SH3BGRL2: variants seen among roughly 807,000 people sequenced by gnomAD.
SH3BGRL2 encodes the protein SH3 domain-binding glutamic acid-rich-like protein 2.
A neutral mutation model predicts 14.8 loss-of-function variants in SH3BGRL2; 21 were observed. That is an observed-to-expected ratio of 1.42 (90% CI 1.01 to 2.05). SH3BGRL2 has a LOEUF of 2.05. Ranked by LOEUF, SH3BGRL2 falls within the 30% of genes most tolerant of loss-of-function variation. SH3BGRL2 has a pLI of 0.00. For missense variants in SH3BGRL2, 147 were observed against 130.8 expected (o/e 1.12, Z -0.61); for synonymous variants, 50 against 47.8 (o/e 1.05, Z -0.19).
At chr6:79,679,189 T>C (rs1247826445) in intron 2 of SH3BGRL2, among the ~76,000 whole-genome samples, 1 of 152,182 alleles carries the variant, frequency 6.6e-6, no homozygotes, top group Non-Finnish European at 1.5e-5. Context: ...CTTTGAGAAA[T>C]CTTCAAACTG....
At chr6:79,672,598 C>T (rs1392356635) in intron 1 of SH3BGRL2, among the ~76,000 whole-genome samples, 1 of 152,048 alleles carries the variant, frequency 6.6e-6, no homozygotes, top group Non-Finnish European at 1.5e-5. Context: ...CCTGGACATG[C>T]CTCCTGGTCA....
chr6:79,640,791 G>A (rs1016752524), intron 1 of SH3BGRL2, among the ~76,000 whole-genome samples: 2 of 152,182 alleles, frequency 1.3e-5, no homozygotes, highest in Admixed American at 6.5e-5. Flanking sequence ...AATTTAGGAT[G>A]TGTTTGCCAT....
At chr6:79,675,971 G>A (rs770115468) in intron 2 of SH3BGRL2, among the ~76,000 whole-genome samples, 9 of 152,092 alleles carry the variant, frequency 5.9e-5, no homozygotes, top group South Asian at 2.1e-4. Context: ...TAGAAGCTGC[G>A]TGTGTGTCTT....
the SH3BGRL2 span, among the ~76,000 whole-genome samples, chr6:79,583,216 C>T: frequency 1.1e-4 from 17 of 152,292 alleles, no homozygotes; most frequent in Non-Finnish European, 2.1e-4. Flanking sequence ...TTGTGGAACA[C>T]AGTGTGGTGA....
intron 1 of SH3BGRL2, among the ~76,000 whole-genome samples, chr6:79,636,619 T>C (rs536743232): frequency 2.0e-5 from 3 of 152,306 alleles, no homozygotes; most frequent in African/African-American, 7.2e-5. Flanking sequence ...TGTCTCAACA[T>C]TCTGGAAGCT....
intron 3 of SH3BGRL2, among the ~76,000 whole-genome samples, chr6:79,698,632 G>A (rs1318115339): frequency 1.3e-5 from 2 of 152,098 alleles, no homozygotes; most frequent in African/African-American, 2.4e-5. Flanking sequence ...GCAAAGGTAG[G>A]TTAGAGGTCT....
intron 1 of SH3BGRL2, among the ~76,000 whole-genome samples, chr6:79,665,231 T>A (rs142879622): frequency 4.5e-4 from 68 of 152,164 alleles, no homozygotes; most frequent in African/African-American, 1.5e-3. Flanking sequence ...ATTCAGCAAA[T>A]TTGAAACACC....
At chr6:79,599,895 G>A in the SH3BGRL2 span, among the ~76,000 whole-genome samples, 2 of 152,154 alleles carry the variant, frequency 1.3e-5, no homozygotes, top group Admixed American at 1.3e-4. Context: ...GAGGCAATAT[G>A]GGTATGATTA....
At chr6:79,557,968 TCTAA>T in the SH3BGRL2 span, among the ~76,000 whole-genome samples, 1 of 152,206 alleles carries the variant, frequency 6.6e-6, no homozygotes, top group African/African-American at 2.4e-5. Context: ...ATCATTCAAA[TCTAA>T]CTGAGCTATT....
chr6:79,559,146 G>A, the SH3BGRL2 span, among the ~76,000 whole-genome samples: 1 of 152,114 alleles, frequency 6.6e-6, no homozygotes, highest in African/African-American at 2.4e-5. Flanking sequence ...CAACTATGAA[G>A]GAATCTGTGA....
the SH3BGRL2 span, among the ~76,000 whole-genome samples, chr6:79,612,539 A>G: frequency 6.6e-6 from 1 of 152,172 alleles, no homozygotes; most frequent in African/African-American, 2.4e-5. Flanking sequence ...AGTTAAGGCT[A>G]CCTACTTTCT....
the SH3BGRL2 span, among the ~76,000 whole-genome samples, chr6:79,600,740 T>G: frequency 6.6e-6 from 1 of 152,224 alleles, no homozygotes; most frequent in East Asian, 1.9e-4. Context: ...GCACAGAATA[T>G]AGACACTGTC....
chr6:79,547,343 A>C, the SH3BGRL2 span, among the ~76,000 whole-genome samples: 2 of 152,230 alleles, frequency 1.3e-5, no homozygotes, highest in Admixed American at 1.3e-4. Flanking sequence ...TGGGAGGTAC[A>C]CTACTGGTAG....
intron 3 of SH3BGRL2, among the ~76,000 whole-genome samples, chr6:79,698,805 C>T (rs726695): frequency 0.11 from 16,050 of 152,144 alleles, 1,070 homozygotes; most frequent in Admixed American, 0.16. Context: ...GTGGCTGGCC[C>T]ATTGTGATAG....
At chr6:79,589,306 TAAAAG>T in the SH3BGRL2 span, among the ~76,000 whole-genome samples, 4 of 151,422 alleles carry the variant, frequency 2.6e-5, no homozygotes, top group East Asian at 7.7e-4. Flanking sequence ...AGAGAAACTA[TAAAAG>T]ATAAACTAAT....
the SH3BGRL2 span, among the ~76,000 whole-genome samples, chr6:79,543,568 G>C: frequency 6.6e-6 from 1 of 152,114 alleles, no homozygotes; most frequent in Non-Finnish European, 1.5e-5. Flanking sequence ...CTTGGTTTCT[G>C]GATTTGTTAA....
At chr6:79,657,907 A>T (rs893205779) in intron 1 of SH3BGRL2, among the ~76,000 whole-genome samples, 11 of 152,224 alleles carry the variant, frequency 7.2e-5, no homozygotes, top group African/African-American at 2.7e-4. Context: ...AAGGGAATTG[A>T]CTAACCTATT....
intron 1 of SH3BGRL2, among the ~76,000 whole-genome samples, chr6:79,635,076 G>T (rs1004447524): frequency 2.0e-5 from 3 of 152,152 alleles, no homozygotes; most frequent in African/African-American, 7.2e-5. Flanking sequence ...CAGCTTGTCT[G>T]CTGCCTGGAG....
chr6:79,544,863 C>T, the SH3BGRL2 span, among the ~76,000 whole-genome samples: 6 of 152,000 alleles, frequency 3.9e-5, no homozygotes, highest in Admixed American at 3.3e-4. Flanking sequence ...ATTACATGAG[C>T]CAGGCAAGTA....
Sources: gnomAD v4.1 joint callset for allele counts (sites outside exome capture counted in the v4.1 genomes callset) on GRCh38, gnomAD v4.1.1 for gene constraint, MANE v1.5 for transcripts, NCBI Gene and HGNC (gene_info 2026-07-23, HGNC 2026-07-21) for gene names.